The following FAM200B variants were observed in gnomAD, a reference collection of about 807,000 sequenced individuals.
FAM200B encodes the protein zinc finger BED-type containing 11.
In FAM200B, 32 loss-of-function variants were observed where a neutral mutation model predicts 33.1. The observed-to-expected ratio is 0.97, with a 90% CI of 0.73 to 1.30. FAM200B has a LOEUF of 1.30. FAM200B is among the 50% of genes most tolerant of loss of function. FAM200B has a pLI of 0.00. For missense variants in FAM200B, 741 were observed against 754.0 expected (o/e 0.98, Z 0.20); for synonymous variants, 240 against 264.8 (o/e 0.91, Z 0.91).
At position 15,687,804 on chromosome 4, in the gene FAM200B, TAGAA is replaced by T. The variant is rs1719023789; in HGVS notation, c.830_833del (p.Glu277GlyfsTer3). ...AGTGGATTAGATATTTTTACAGAAT[TAGAA>T]AGGCGCATAGTTGGCCAATATAAAT... On this transcript the variant is annotated frameshift_variant, in exon 2 of 2. Transcript: ENST00000422728. LOFTEE classifies it high-confidence loss of function. 1.9e-6 allele frequency: 3 copies of T among 1,551,010 alleles called. No individual in the cohort carries two copies. Among genetic ancestry groups the T allele is most frequent in the Non-Finnish European group, 2.6e-6 (3 of 1,146,646 alleles).
the FAM200B span, among the ~76,000 whole-genome samples, chr4:15,658,084 T>C: frequency 6.6e-6 from 1 of 152,246 alleles, no homozygotes; most frequent in Non-Finnish European, 1.5e-5. Flanking sequence ...AATAGGCCTC[T>C]TCTATAGTAG....
chr4:15,639,986 C>T, the FAM200B span, among the ~76,000 whole-genome samples: 1 of 152,048 alleles, frequency 6.6e-6, no homozygotes, highest in African/African-American at 2.4e-5. Context: ...AAACGTTTTG[C>T]CCATTCATTC....
At chr4:15,641,094 A>G in the FAM200B span, among the ~76,000 whole-genome samples, 1 of 152,282 alleles carries the variant, frequency 6.6e-6, no homozygotes, top group South Asian at 2.1e-4. Flanking sequence ...TATTTTTAAA[A>G]TATCATAAAA....
the FAM200B span, among the ~76,000 whole-genome samples, chr4:15,648,889 G>A: frequency 1.3e-5 from 2 of 152,134 alleles, no homozygotes; most frequent in South Asian, 2.1e-4. Context: ...AAGGGTAATC[G>A]TTTGTGGTGA....
the FAM200B span, among the ~76,000 whole-genome samples, chr4:15,654,815 G>A: frequency 1.3e-5 from 2 of 152,164 alleles, no homozygotes; most frequent in Non-Finnish European, 2.9e-5. Flanking sequence ...GGAGTCCACC[G>A]CAGGTGGCCG....
the FAM200B span, among the ~76,000 whole-genome samples, chr4:15,670,017 C>T: frequency 7.9e-5 from 12 of 152,306 alleles, no homozygotes; most frequent in East Asian, 1.9e-3. Flanking sequence ...ATTAGAGCTA[C>T]TGTATTGTTA....
At chr4:15,668,597 G>A in the FAM200B span, among the ~76,000 whole-genome samples, 1 of 151,906 alleles carries the variant, frequency 6.6e-6, no homozygotes, top group East Asian at 1.9e-4. Context: ...AGATTATAAT[G>A]AAGATAATTT....
At chr4:15,650,711 A>C in the FAM200B span, among the ~76,000 whole-genome samples, 2 of 119,348 alleles carry the variant, frequency 1.7e-5, no homozygotes, top group African/African-American at 6.7e-5. Context: ...TCTGTCGCCC[A>C]GGCTGGAGTG....
chr4:15,681,312 C>G (rs1336754551), upstream of FAM200B: 1 of 156,438 alleles, frequency 6.4e-6, no homozygotes, highest in Non-Finnish European at 1.5e-5. Context: ...CCTGGCCCCG[C>G]CAGGTCGGGG....
the FAM200B span, among the ~76,000 whole-genome samples, chr4:15,643,878 A>G: frequency 2.1e-4 from 32 of 152,358 alleles, no homozygotes; most frequent in African/African-American, 7.0e-4. Flanking sequence ...CGACTTACAA[A>G]AACAGCTTTC....
At chr4:15,646,474 A>G in the FAM200B span, among the ~76,000 whole-genome samples, 1 of 151,676 alleles carries the variant, frequency 6.6e-6, no homozygotes, top group East Asian at 1.9e-4. Flanking sequence ...AAAAAAAAAA[A>G]GGCAAACTTA....
chr4:15,636,834 G>A, the FAM200B span, among the ~76,000 whole-genome samples: 19 of 152,122 alleles, frequency 1.2e-4, no homozygotes, highest in Non-Finnish European at 1.8e-4. Context: ...AGGTAACATG[G>A]GGATGTTAAA....
At position 15,689,017 on chromosome 4, in the gene FAM200B, A is replaced by G. The variant is rs902420989; in HGVS notation, c.*66A>G. On this transcript the variant is annotated 3_prime_UTR_variant, in exon 2 of 2. Transcript: ENST00000422728. ...ATTTTGTAGTATTTTTCTATGTTAT[A>G]TTTAAATGGTACTATAATACTGTGA... is the stretch of plus-strand genomic sequence containing the variant. 1.2e-5 allele frequency: 15 copies of G among 1,205,408 alleles called. No individual in the cohort carries two copies. The highest frequency in any genetic ancestry group is 3.5e-5 in the Admixed American group (1 of 28,964). The allele number at this position is 1,205,408 out of a possible 1,614,324, so 74.7% of individuals were successfully genotyped here. A position where few individuals can be genotyped will look rare whatever the true frequency, so the allele number is the denominator to read the frequency against.
upstream of FAM200B, chr4:15,681,475 C>A: frequency 6.0e-6 from 1 of 166,624 alleles, no homozygotes; most frequent in South Asian, 1.7e-4. Flanking sequence ...CTCTGGGACT[C>A]TGTCCGGACT....
chr4:15,688,113 A>G lies in FAM200B; in HGVS notation c.1136A>G (p.His379Arg), dbSNP rs1719060066. 2 of 1,551,276 alleles carry G rather than the reference A, an allele frequency of 1.3e-6. No individual in the cohort carries two copies. Among genetic ancestry groups the G allele is most frequent in the Admixed American group, 2.0e-5 (1 of 50,986 alleles). Residue 379 changes from histidine (H) to arginine (R), a missense_variant, in exon 2 of 2, where the codon CAC becomes CGC. Coordinates refer to ENST00000422728, the MANE Select transcript of FAM200B (RefSeq NM_001145191.2). ...FCSEIGTNHTHLLYHTKIRWL... is the reference protein window; with the variant it reads ...FCSEIGTNHTRLLYHTKIRWL... ...TCAGAGATTGGAACTAATCATACCC[A>G]CTTACTATATCATACCAAAATTCGT...
chr4:15,641,146 G>A, the FAM200B span, among the ~76,000 whole-genome samples: 2 of 151,996 alleles, frequency 1.3e-5, no homozygotes, highest in African/African-American at 4.8e-5. Flanking sequence ...TTTTATTGAT[G>A]TATATATAAA....
the FAM200B span, among the ~76,000 whole-genome samples, chr4:15,643,941 G>GT: frequency 6.6e-6 from 1 of 152,150 alleles, no homozygotes; most frequent in African/African-American, 2.4e-5. Context: ...TAATAAAGAG[G>GT]TAACTGATGA....
chr4:15,655,518 C>T, the FAM200B span: 1 of 345,502 alleles, frequency 2.9e-6, no homozygotes, highest in Non-Finnish European at 4.1e-6. Context: ...GCCTCCCGCC[C>T]CCACTCTTTT....
the FAM200B span, among the ~76,000 whole-genome samples, chr4:15,649,651 G>A: frequency 0.041 from 6,107 of 150,708 alleles, 395 homozygotes; most frequent in African/African-American, 0.14. Flanking sequence ...TTTGAAATCT[G>A]TTTATATAAA....
Sources: gnomAD v4.1 joint callset for allele counts (sites outside exome capture counted in the v4.1 genomes callset) on GRCh38, gnomAD v4.1.1 for gene constraint, MANE v1.5 for transcripts, NCBI Gene and HGNC (gene_info 2026-07-23, HGNC 2026-07-21) for gene names.